The following HPS4 variants were observed in gnomAD, a reference collection of about 807,000 sequenced individuals.
HPS4 encodes HPS4 biogenesis of lysosomal organelles complex 3 subunit 2.
Under a neutral mutation model 70.3 loss-of-function variants are expected in HPS4, and 44 were observed. The ratio of observed to expected loss-of-function variants is 0.63; its 90% CI spans 0.49 to 0.80. HPS4 has a LOEUF of 0.80. Ranked by LOEUF, HPS4 falls within the 30% of genes least tolerant of loss-of-function variation. The pLI is 0.00. For missense variants in HPS4, 873 were observed against 884.4 expected (o/e 0.99, Z 0.16); for synonymous variants, 377 against 355.9 (o/e 1.06, Z -0.67).
chr22:26,481,775 C>T lies in HPS4; in HGVS notation c.-13G>A. 1 of 1,613,630 alleles carries T rather than the reference C, an allele frequency of 6.2e-7. No individual in the cohort carries two copies. Among genetic ancestry groups the T allele is most frequent in the Non-Finnish European group, 8.5e-7 (1 of 1,179,550 alleles). ...TAGAGGTGGCCATCTACTGTGCAGT[C>T]ATCCTCATTCTCTTCATTTAGGTTT... On this transcript the variant is annotated 5_prime_UTR_variant, in exon 2 of 14. An upstream start codon of the reference 5' UTR is lost. Transcript: ENST00000398145.
chr22:26,456,620 C>A (rs2086183091), intron 13 of HPS4, among the ~76,000 whole-genome samples: 1 of 152,206 alleles, frequency 6.6e-6, no homozygotes, highest in African/African-American at 2.4e-5. Flanking sequence ...GACTGAGCCC[C>A]TGCACTCCAG....
At chr22:26,466,111 T>C (rs889730785) in intron 9 of HPS4, 115 bp downstream of exon 9, 2 of 1,609,402 alleles carry the variant, frequency 1.2e-6, no homozygotes, top group Admixed American at 1.7e-5. Context: ...TTTCCTATTA[T>C]GAGCAGAGGA....
chr22:26,445,971 C>A (rs537535821), downstream of HPS4, among the ~76,000 whole-genome samples: 1 of 152,174 alleles, frequency 6.6e-6, no homozygotes, highest in South Asian at 2.1e-4. Flanking sequence ...CACCTGCAAG[C>A]GAGGTTCCAG....
At chr22:26,471,408 A>G (rs940823201) in intron 6 of HPS4, 7 of 456,162 alleles carry the variant, frequency 1.5e-5, no homozygotes, top group Admixed American at 1.4e-4. Flanking sequence ...CAAGAAAAGC[A>G]TCTGGACCTG....
At chr22:26,444,521 T>C (rs947362123) in exon 4 of HPS4, 7 of 152,208 alleles carry the variant, frequency 4.6e-5, no homozygotes, top group African/African-American at 1.7e-4. Flanking sequence ...CTGTGTTAGC[T>C]GATGTGTGAA....
rs1160971710 is a variant in HPS4 at position 26,472,315 on chromosome 22, A to C, written c.488T>G (p.Leu163Trp). ...LHKIFNSLWN[L>W]DQTKVEPLLL... is the part of the protein sequence containing the mutation. ...TGAAAATGTTACTTTAGTTTGGTCCAAGTTCCAGAGGGAATTGAAAATCTT... is the reference window on the plus strand; with the variant it reads ...TGAAAATGTTACTTTAGTTTGGTCCCAGTTCCAGAGGGAATTGAAAATCTT... The change falls in exon 6 of 14, where the codon TTG (leucine) becomes TGG (tryptophan). Residue 163 changes from leucine (L) to tryptophan (W), a missense_variant. Transcript: ENST00000398145. 6.2e-7 allele frequency: 1 copy of C among 1,605,260 alleles called. No homozygotes were observed. The highest frequency in any genetic ancestry group is 8.5e-7 in the Non-Finnish European group (1 of 1,171,860).
rs922906194 is a variant in HPS4 at position 26,452,343 on chromosome 22, A to G, written c.*890T>C. 2.2e-6 allele frequency: 1 copy of G among 456,660 alleles called. No individual in the cohort carries two copies. The highest frequency in any genetic ancestry group is 2.0e-5 in the African/African-American group (1 of 50,076). The allele number at this position is 456,660 out of a possible 1,614,324, so 28.3% of individuals were successfully genotyped here. A position where few individuals can be genotyped will look rare whatever the true frequency, so the allele number is the denominator to read the frequency against. Reference sequence around the variant, plus strand: ...ATAACGTAATAGAACTGAGGTTCTAAGTACCACACAAGCCCAGGAACACAC... The same window carrying G: ...ATAACGTAATAGAACTGAGGTTCTAGGTACCACACAAGCCCAGGAACACAC... On this transcript the variant is annotated 3_prime_UTR_variant, in exon 14 of 14. Transcript: ENST00000398145.
downstream of HPS4, among the ~76,000 whole-genome samples, chr22:26,449,874 G>A (rs1454315272): frequency 6.6e-6 from 1 of 152,222 alleles, no homozygotes; most frequent in African/African-American, 2.4e-5. Context: ...GGAGGCCGAA[G>A]TCTGAAATCA....
In HPS4 at chr22:26,477,141, G is replaced by A. The variant is rs750562848; in HGVS notation, c.133-5C>T. On this transcript the variant is annotated splice_region_variant and splice_polypyrimidine_tract_variant and intron_variant, in intron 3 of 13. Transcript: ENST00000398145. ...CTCCTGTTGGTCTAGCAGGGTCTGT[G>A]GGAAAGGAGCACATTCCAGATAGGA... The A allele has an allele frequency of 1.2e-5, 20 of 1,613,998 alleles. No homozygotes were observed. The South Asian group carries it at 1.3e-4, about 11-fold the overall frequency.
At position 26,463,976 on chromosome 22, in the gene HPS4, C is replaced by A. The variant is rs5752330; in HGVS notation, c.1654G>T (p.Val552Leu). ...NLYTHCVKGL[V>L]LSLLAEEPLL... is the part of the protein sequence containing the mutation. ...GGCTCCTCAGCCAGCAGGGACAGCA[C>A]CAGCCCTTTGACGCAGTGAGTGTAG... The change falls in exon 11 of 14, where the codon GTG becomes TTG. Residue 552 changes from valine to leucine, a missense_variant. By Grantham distance (32) the Val-to-Leu change is conservative. Coordinates refer to ENST00000398145, the MANE Select transcript of HPS4 (RefSeq NM_022081.6). The A allele has an allele frequency of 6.2e-7, 1 of 1,614,082 alleles. No homozygotes were observed. Among genetic ancestry groups the A allele is most frequent in the East Asian group, 2.2e-5 (1 of 44,854 alleles).
chr22:26,470,356 G>A (rs924194695), intron 7 of HPS4, among the ~76,000 whole-genome samples: 2 of 152,258 alleles, frequency 1.3e-5, no homozygotes, highest in Non-Finnish European at 2.9e-5. Flanking sequence ...GGCAGCAGGA[G>A]GAGGGTCACA....
chr22:26,465,839 G>C (rs1028471108), intron 9 of HPS4: 5 of 550,060 alleles, frequency 9.1e-6, no homozygotes, highest in Non-Finnish European at 1.6e-5. Context: ...AGCTAAGAAA[G>C]GGATCTGCTC....
At chr22:26,472,762 T>C (rs754671984) in intron 5 of HPS4, 70 bp downstream of exon 5, 281 of 1,116,654 alleles carry the variant, frequency 2.5e-4, no homozygotes, top group Middle Eastern at 7.8e-4. Flanking sequence ...CCAGAGTAAG[T>C]GCTGCATTCT....
At position 26,466,223 on chromosome 22, in the gene HPS4, T is replaced by C. The variant is rs767548354; in HGVS notation, c.706+3A>G. 1.9e-6 allele frequency: 3 copies of C among 1,614,046 alleles called. No homozygotes were observed. The highest frequency in any genetic ancestry group is 3.3e-5 in the Admixed American group (2 of 59,998). Reference sequence around the variant, plus strand: ...AGAGGCAACCATGCGCCTCACTACTTACCATGTTCCTGCGGGGCATCCTCT... The same window carrying C: ...AGAGGCAACCATGCGCCTCACTACTCACCATGTTCCTGCGGGGCATCCTCT... On this transcript the variant is annotated splice_donor_region_variant and intron_variant, in intron 9 of 13. Transcript: ENST00000398145.
chr22:26,469,136 T>C (rs2089293789), intron 7 of HPS4, among the ~76,000 whole-genome samples: 1 of 151,952 alleles, frequency 6.6e-6, no homozygotes, highest in Admixed American at 6.6e-5. Flanking sequence ...AAACTGCCAA[T>C]GGTGAGGACA....
intron 11 of HPS4, among the ~76,000 whole-genome samples, chr22:26,462,520 T>C (rs1285707075): frequency 2.0e-5 from 3 of 152,226 alleles, no homozygotes; most frequent in African/African-American, 7.2e-5. Flanking sequence ...GTTCTAAGGC[T>C]TGGCTAAAAC....
At chr22:26,449,898 G>A (rs371283424), downstream of HPS4, among the ~76,000 whole-genome samples, 67 of 152,192 alleles carry the variant, frequency 4.4e-4, no homozygotes, top group African/African-American at 4.6e-4. Context: ...TCACGGGACC[G>A]AATTCAGTAC....
rs1454297299 is a variant in HPS4, at chr22:26,464,468, C to A, written c.1162G>T (p.Ala388Ser). 6.2e-7 allele frequency: 1 copy of A among 1,614,172 alleles called. No homozygotes were observed. The highest frequency in any genetic ancestry group is 8.5e-7 in the Non-Finnish European group (1 of 1,180,026). ...TCTGGAACAGGCACATGTAGGAAGG[C>A]AAAATGACCTGAGGCCATTTCCACT... ...QEVEMASGHFAFLHVPVPDGR... is the reference protein window; with the variant it reads ...QEVEMASGHFSFLHVPVPDGR... Residue 388 changes from alanine (A) to serine (S), a missense_variant, in exon 11 of 14, where the codon GCC (alanine) becomes TCC (serine). Transcript: ENST00000398145.
Position 26,479,302 on chromosome 22 carries a change from G to GGATC in HPS4, c.91_94dup (p.Pro32ArgfsTer36), listed in dbSNP as rs775635197. The GGATC allele has an allele frequency of 1.2e-6, 2 of 1,614,098 alleles. No individual in the cohort carries two copies. The highest frequency in any genetic ancestry group is 1.7e-6 in the Non-Finnish European group (2 of 1,180,026). ...AAAGTAACAAATGCCAGCTCTTGTT[G>GGATC]GATCGCCTTCTTCCTTTACCTTGGA... is the stretch of plus-strand genomic sequence containing the variant. On this transcript the variant is annotated frameshift_variant, in exon 3 of 14. Transcript: ENST00000398145. LOFTEE classifies it high-confidence loss of function.
Sources: allele counts gnomAD v4.1 joint callset (sites outside exome capture counted in the v4.1 genomes callset), GRCh38; gene constraint gnomAD v4.1.1; transcripts MANE v1.5; gene names NCBI Gene and HGNC (gene_info 2026-07-23, HGNC 2026-07-21).